CFAP161: variants seen among roughly 807,000 people sequenced by gnomAD.
CFAP161 encodes the protein cilia and flagella associated protein 161.
Under a neutral mutation model 29.0 loss-of-function variants are expected in CFAP161, and 25 were observed. That is an observed-to-expected ratio of 0.86 (90% CI 0.63 to 1.20). CFAP161 has a LOEUF of 1.20. Ranked by LOEUF, CFAP161 falls within the 50% of genes most tolerant of loss-of-function variation. The pLI is 0.00. For missense variants in CFAP161, 367 were observed against 371.9 expected (o/e 0.99, Z 0.11); for synonymous variants, 116 against 137.4 (o/e 0.84, Z 1.09).
rs1199409712 is a variant in CFAP161 at position 81,148,866 on chromosome 15, A to G, written c.*333A>G. On this transcript the variant is annotated 3_prime_UTR_variant, in exon 7 of 7. Coordinates refer to ENST00000286732, the MANE Select transcript of CFAP161 (RefSeq NM_173528.4). Reference sequence around the variant, plus strand: ...TTACTTTTTAAAGTTATGTCTATGTAATAAAGCTGTTGGACCTATACTGAA... The same window carrying G: ...TTACTTTTTAAAGTTATGTCTATGTGATAAAGCTGTTGGACCTATACTGAA... 2 of 174,714 alleles carry G rather than the reference A, an allele frequency of 1.1e-5. No individual in the cohort carries two copies. Among genetic ancestry groups the G allele is most frequent in the Non-Finnish European group, 2.4e-5 (2 of 82,644 alleles). 10.8% of individuals were successfully genotyped at this position (174,714 alleles called of 1,614,324 possible).
intron 1 of CFAP161, among the ~76,000 whole-genome samples, chr15:81,102,113 T>C (rs771791644): frequency 1.4e-4 from 21 of 152,348 alleles, no homozygotes; most frequent in Non-Finnish European, 2.4e-4. Flanking sequence ...GCAGCCAAAC[T>C]GTTAGGAGAA....
Position 81,136,592 on chromosome 15 carries a change from A to T in CFAP161, c.236A>T (p.Asp79Val), listed in dbSNP as rs1442162239. 6.2e-7 allele frequency: 1 copy of T among 1,614,204 alleles called. No individual in the cohort carries two copies. Among genetic ancestry groups the T allele is most frequent in the South Asian group, 1.1e-5 (1 of 91,086 alleles). ...ATGCTTGTGAATCCTGATGATCCTGACACAGAAGCTGATGTGTTTCTGCGT... is the reference window on the plus strand; with the variant it reads ...ATGCTTGTGAATCCTGATGATCCTGTCACAGAAGCTGATGTGTTTCTGCGT... Reference protein sequence around the residue: ...KVMLVNPDDPDTEADVFLRGD... With the variant: ...KVMLVNPDDPVTEADVFLRGD... Residue 79 changes from aspartate (D) to valine (V), a missense_variant, in exon 3 of 7, where the codon GAC becomes GTC. Physicochemically the swap from Asp to Val is radical, Grantham distance 152. Transcript: ENST00000286732.
chr15:81,133,547 A>G (rs1894753166), upstream of CFAP161, among the ~76,000 whole-genome samples: 1 of 152,150 alleles, frequency 6.6e-6, no homozygotes, highest in South Asian at 2.1e-4. Context: ...AGCCTCCGGT[A>G]GTCCTACAGT....
chr15:81,108,791 C>T (rs1595908729), intron 1 of CFAP161, among the ~76,000 whole-genome samples: 1 of 152,320 alleles, frequency 6.6e-6, no homozygotes, highest in East Asian at 1.9e-4. Flanking sequence ...ATATTCAAGA[C>T]ACTTTTGTAA....
At chr15:81,100,364 A>G (rs968600740) in intron 1 of CFAP161, among the ~76,000 whole-genome samples, 6 of 151,778 alleles carry the variant, frequency 4.0e-5, no homozygotes, top group African/African-American at 1.4e-4. Context: ...ACTGCATAGT[A>G]TTTTTATGGA....
intron 1 of CFAP161, among the ~76,000 whole-genome samples, chr15:81,101,265 G>A (rs1323717511): frequency 6.6e-6 from 1 of 151,710 alleles, no homozygotes; most frequent in Admixed American, 6.6e-5. Context: ...GGGTGCCGTG[G>A]CCTGTCATCC....
intron 1 of CFAP161, chr15:81,118,060 A>C: frequency 2.0e-6 from 1 of 512,212 alleles, no homozygotes; most frequent in Non-Finnish European, 3.6e-6. Context: ...TAGACATTCC[A>C]ACTTTTTCAA....
At chr15:81,133,040 T>A (rs867628922), upstream of CFAP161, among the ~76,000 whole-genome samples, 1 of 151,562 alleles carries the variant, frequency 6.6e-6, no homozygotes, top group Non-Finnish European at 1.5e-5. Flanking sequence ...TATTCTACAC[T>A]TCAGCCTGCC....
intron 3 of CFAP161, 61 bp downstream of exon 3, chr15:81,136,809 AG>A: frequency 6.9e-7 from 1 of 1,441,710 alleles, no homozygotes; most frequent in Non-Finnish European, 9.7e-7. Flanking sequence ...TGTAGCTTAA[AG>A]ATTCCTGGGT....
At chr15:81,111,838 C>T (rs1474538889) in intron 1 of CFAP161, among the ~76,000 whole-genome samples, 1 of 152,186 alleles carries the variant, frequency 6.6e-6, no homozygotes, top group Non-Finnish European at 1.5e-5. Flanking sequence ...GTCTCTGAGT[C>T]ATTGTTCCTT....
intron 4 of CFAP161, among the ~76,000 whole-genome samples, chr15:81,139,566 TCA>T (rs1386783329): frequency 4.6e-5 from 7 of 152,166 alleles, no homozygotes; most frequent in Admixed American, 3.9e-4. Context: ...AATGACGAAA[TCA>T]TTTAATGAGA....
At chr15:81,106,710 A>C (rs1215057103) in intron 1 of CFAP161, among the ~76,000 whole-genome samples, 20 of 152,192 alleles carry the variant, frequency 1.3e-4, no homozygotes. Flanking sequence ...GCTCTTTCAA[A>C]GGTCAGGGAA....
At chr15:81,140,968 C>T (rs1025818224) in intron 4 of CFAP161, among the ~76,000 whole-genome samples, 1 of 152,190 alleles carries the variant, frequency 6.6e-6, no homozygotes, top group African/African-American at 2.4e-5. Flanking sequence ...GTGACCTTGA[C>T]AGCTCATAGG....
intron 1 of CFAP161, chr15:81,117,764 C>A: frequency 3.3e-6 from 1 of 306,810 alleles, no homozygotes. Context: ...TCTTCCTCCT[C>A]GCTGACTTCA....
intron 1 of CFAP161, among the ~76,000 whole-genome samples, chr15:81,108,842 G>C (rs1237735486): frequency 6.6e-6 from 1 of 152,172 alleles, no homozygotes; most frequent in Non-Finnish European, 1.5e-5. Flanking sequence ...AAAGAATTGA[G>C]GTTCCTGGGA....
At chr15:81,124,371 C>G (rs1295180966) in intron 1 of CFAP161, among the ~76,000 whole-genome samples, 2 of 152,172 alleles carry the variant, frequency 1.3e-5, no homozygotes, top group South Asian at 2.1e-4. Context: ...CCTATTTGAT[C>G]ATGGTAGATA....
intron 4 of CFAP161, among the ~76,000 whole-genome samples, chr15:81,140,024 T>G (rs1212519108): frequency 6.6e-6 from 1 of 152,124 alleles, no homozygotes; most frequent in African/African-American, 2.4e-5. Flanking sequence ...TCTCTTTCCC[T>G]TATCTCTTCC....
At chr15:81,127,797 A>T (rs942697458) in intron 2 of CFAP161, 3 of 152,168 alleles carry the variant, frequency 2.0e-5, no homozygotes, top group Non-Finnish European at 4.4e-5. Flanking sequence ...CCCACTTTTG[A>T]CACCATATAT....
chr15:81,145,078 G>T (rs914978411), intron 5 of CFAP161, among the ~76,000 whole-genome samples: 1 of 152,154 alleles, frequency 6.6e-6, no homozygotes, highest in African/African-American at 2.4e-5. Context: ...TAGCCACTGC[G>T]TTGACTATGG....
Sources: gnomAD v4.1 joint callset for allele counts (sites outside exome capture counted in the v4.1 genomes callset) on GRCh38, gnomAD v4.1.1 for gene constraint, MANE v1.5 for transcripts, NCBI Gene and HGNC (gene_info 2026-07-23, HGNC 2026-07-21) for gene names.